CCDC170: variants seen among roughly 807,000 people sequenced by gnomAD.
The protein encoded by CCDC170 is coiled-coil domain-containing protein 170.
Under a neutral mutation model 72.6 loss-of-function variants are expected in CCDC170, and 69 were observed. That is an observed-to-expected ratio of 0.95 (90% confidence interval 0.78 to 1.16). The LOEUF (loss-of-function observed/expected upper bound fraction) is 1.16, where lower values mean the gene tolerates loss of function less well. Among genes scored for constraint, CCDC170 ranks in the 50% most tolerant of loss-of-function variants. The pLI is 0.00. For synonymous variants in CCDC170, 300 were observed against 303.9 expected (o/e 0.99, Z 0.13); for missense variants, 852 against 832.5 (o/e 1.02, Z -0.29).
chr6:151,533,559 C>T (rs576463837), intron 1 of CCDC170, among the ~76,000 whole-genome samples: 2 of 151,212 alleles, frequency 1.3e-5, no homozygotes, highest in South Asian at 2.1e-4. Flanking sequence ...CCCAGCTATT[C>T]GGGAGGCTGA....
At chr6:151,530,232 T>G (rs1286162464) in intron 1 of CCDC170, among the ~76,000 whole-genome samples, 1 of 151,972 alleles carries the variant, frequency 6.6e-6, no homozygotes, top group Non-Finnish European at 1.5e-5. Flanking sequence ...TTGTGTTTAA[T>G]TTTTGGGTTT....
chr6:151,611,686 A>G (rs557386189), intron 9 of CCDC170, among the ~76,000 whole-genome samples: 7 of 152,200 alleles, frequency 4.6e-5, no homozygotes, highest in South Asian at 4.2e-4. Flanking sequence ...AAGAAGTTCT[A>G]TGGGTTATAG....
intron 1 of CCDC170, among the ~76,000 whole-genome samples, chr6:151,511,992 A>G (rs761762645): frequency 9.3e-5 from 14 of 151,182 alleles, no homozygotes; most frequent in Non-Finnish European, 1.6e-4. Context: ...GACCATAGGG[A>G]CACTACCATG....
chr6:151,606,461 T>C (rs1776786396), intron 9 of CCDC170, among the ~76,000 whole-genome samples: 3 of 152,252 alleles, frequency 2.0e-5, no homozygotes, highest in African/African-American at 7.2e-5. Flanking sequence ...TTTCTAATTT[T>C]AGTCCACTGT....
rs1224777758 is a variant in CCDC170, at chr6:151,615,494, G to C, written c.1762G>C (p.Asp588His). Residue 588 changes from aspartate to histidine, a missense_variant, in exon 10 of 11, where the codon GAC becomes CAC. Asp to His is a moderately conservative substitution (Grantham distance 81). Transcript: ENST00000239374. ...CATTGAAGATCTAAACAAATCCAGA[G>C]ACCAACTGGAGAAGATGAAGGAGAA... ...KAIEDLNKSR[D>H]QLEKMKEKAE... 4 of 1,614,072 alleles carry C rather than the reference G, an allele frequency of 2.5e-6. No homozygotes were observed. The highest frequency in any genetic ancestry group is 3.4e-6 in the Non-Finnish European group (4 of 1,179,970).
intron 6 of CCDC170, among the ~76,000 whole-genome samples, chr6:151,574,556 G>C (rs778812579): frequency 5.3e-5 from 8 of 152,140 alleles, no homozygotes; most frequent in Admixed American, 4.6e-4. Context: ...CTCCACTGTG[G>C]TGTCTGGGAC....
chr6:151,591,777 G>A (rs1208121718), intron 7 of CCDC170, among the ~76,000 whole-genome samples: 2 of 152,054 alleles, frequency 1.3e-5, no homozygotes, highest in African/African-American at 4.8e-5. Context: ...TTACAGGCAT[G>A]AGCCACCGCA....
intron 5 of CCDC170, among the ~76,000 whole-genome samples, chr6:151,559,302 G>A (rs558205778): frequency 6.6e-6 from 1 of 152,214 alleles, no homozygotes; most frequent in South Asian, 2.1e-4. Context: ...ATAAGCCACT[G>A]TGCCCAGCCA....
chr6:151,603,070 G>A (rs1776735183), intron 9 of CCDC170, among the ~76,000 whole-genome samples: 1 of 151,990 alleles, frequency 6.6e-6, no homozygotes, highest in South Asian at 2.1e-4. Flanking sequence ...TAAAGTGCTG[G>A]GATTACAGGC....
intron 1 of CCDC170, among the ~76,000 whole-genome samples, chr6:151,525,475 C>T (rs1782390123): frequency 6.6e-6 from 1 of 152,166 alleles, no homozygotes; most frequent in Non-Finnish European, 1.5e-5. Flanking sequence ...TATGACAATA[C>T]ACCCTCCCCA....
At chr6:151,546,509 G>A (rs1049318250) in intron 4 of CCDC170, among the ~76,000 whole-genome samples, 1 of 152,054 alleles carries the variant, frequency 6.6e-6, no homozygotes, top group Non-Finnish European at 1.5e-5. Context: ...TGAGCCGGGA[G>A]AGCCTGCCCT....
intron 9 of CCDC170, 39 bp from the exon 10 acceptor site, chr6:151,615,404 A>T: frequency 7.2e-7 from 1 of 1,398,192 alleles, no homozygotes; most frequent in Non-Finnish European, 1.0e-6. Flanking sequence ...TTCCTAACTA[A>T]ATACAAAAGG....
chr6:151,548,093 C>T (rs1782806192), intron 4 of CCDC170, among the ~76,000 whole-genome samples: 1 of 152,192 alleles, frequency 6.6e-6, no homozygotes, highest in African/African-American at 2.4e-5. Flanking sequence ...TTATCCTTGC[C>T]TTGTGGCCAC....
intron 9 of CCDC170, among the ~76,000 whole-genome samples, chr6:151,604,398 G>T (rs899212360): frequency 1.6e-4 from 25 of 152,270 alleles, no homozygotes; most frequent in African/African-American, 5.3e-4. Flanking sequence ...GCTCCTGGGG[G>T]TCAGATGGTG....
chr6:151,593,164 G>C lies in CCDC170; in HGVS notation c.1351G>C (p.Glu451Gln), dbSNP rs35618148. 1.1e-5 allele frequency: 17 copies of C among 1,614,040 alleles called. No homozygotes were observed. Among genetic ancestry groups the C allele is most frequent in the Non-Finnish European group, 1.4e-5 (16 of 1,180,028 alleles). The change falls in exon 8 of 11, where the codon GAA becomes CAA. Residue 451 changes from glutamate to glutamine, a missense_variant. Transcript: ENST00000239374. ...AATGAAGTTGGACCAGATGGCTGCC[G>C]AACTTGGCTTTGACATGCGGCTGGA... is the stretch of plus-strand genomic sequence containing the variant. ...QKMKLDQMAA[E>Q]LGFDMRLDVV...
intron 9 of CCDC170, among the ~76,000 whole-genome samples, chr6:151,610,409 A>G (rs1217063225): frequency 6.6e-6 from 1 of 152,112 alleles, no homozygotes; most frequent in Non-Finnish European, 1.5e-5. Context: ...TATAATGGAT[A>G]CTCTTTTACC....
At chr6:151,554,518 A>T (rs1782942155) in intron 5 of CCDC170, among the ~76,000 whole-genome samples, 2 of 152,270 alleles carry the variant, frequency 1.3e-5, no homozygotes, top group African/African-American at 4.8e-5. Flanking sequence ...TGAGGTCAGG[A>T]GTTTGAGACC....
Position 151,615,423 on chromosome 6 carries a change from G to A in CCDC170, c.1711-20G>A, listed in dbSNP as rs760810084. 8.5e-6 allele frequency: 13 copies of A among 1,536,438 alleles called. 1 individual carries two copies. In the South Asian group the frequency reaches 1.2e-4, roughly 15 times the overall value. ...TAACTAAATACAAAAGGAGTTATCA[G>A]CATTCTCTTGACTTTCTAGATTAAA... is the stretch of plus-strand genomic sequence containing the variant. On this transcript the variant is annotated intron_variant, in intron 9 of 10. Transcript: ENST00000239374.
chr6:151,525,070 C>A (rs1174204238), intron 1 of CCDC170, among the ~76,000 whole-genome samples: 2 of 151,560 alleles, frequency 1.3e-5, no homozygotes, highest in Non-Finnish European at 2.9e-5. Context: ...GTGGCTGGGA[C>A]TATAGGTGCC....
Sources: gnomAD v4.1 joint callset for allele counts (sites outside exome capture counted in the v4.1 genomes callset) on GRCh38, gnomAD v4.1.1 for gene constraint, MANE v1.5 for transcripts, NCBI Gene and HGNC (gene_info 2026-07-23, HGNC 2026-07-21) for gene names.